The following SLC11A2 variants were observed in gnomAD, a reference collection of about 807,000 sequenced individuals.
The protein encoded by SLC11A2 is solute carrier family 11 member 2.
A neutral mutation model predicts 68.0 loss-of-function variants in SLC11A2; 38 were observed. The ratio of observed to expected loss-of-function variants is 0.56; its 90% CI spans 0.43 to 0.73. The LOEUF is 0.73. Ranked by LOEUF, SLC11A2 falls within the 30% of genes least tolerant of loss-of-function variation. The pLI, the probability that SLC11A2 is intolerant of heterozygous loss-of-function variation, is 0.00. For missense variants in SLC11A2, 517 were observed against 690.5 expected (o/e 0.75, Z 2.82); for synonymous variants, 242 against 250.6 (o/e 0.97, Z 0.32).
At chr12:50,969,712 A>C in the SLC11A2 span, among the ~76,000 whole-genome samples, 3 of 151,510 alleles carry the variant, frequency 2.0e-5, no homozygotes, top group African/African-American at 7.3e-5. Flanking sequence ...CAAAAAAAAA[A>C]AAACAAAAAC....
chr12:50,962,569 C>T, the SLC11A2 span, among the ~76,000 whole-genome samples: 28 of 151,244 alleles, frequency 1.9e-4, no homozygotes, highest in Non-Finnish European at 2.9e-4. Context: ...GTGTGGCATG[C>T]GCCTGTAGTC....
At chr12:50,965,952 T>A in the SLC11A2 span, among the ~76,000 whole-genome samples, 1 of 152,204 alleles carries the variant, frequency 6.6e-6, no homozygotes, top group African/African-American at 2.4e-5. Context: ...TTTATTGTGG[T>A]GATTCAAGTT....
chr12:50,982,453 G>A (rs1346538717), downstream of SLC11A2, among the ~76,000 whole-genome samples: 3 of 151,938 alleles, frequency 2.0e-5, no homozygotes, highest in African/African-American at 7.3e-5. Context: ...ATGAAACTCC[G>A]TCTCTACTAA....
chr12:51,020,481 C>T (rs1028296772), intron 1 of SLC11A2, among the ~76,000 whole-genome samples: 8 of 152,046 alleles, frequency 5.3e-5, no homozygotes, highest in African/African-American at 1.7e-4. Context: ...AACTCTAATC[C>T]CCTCTACTCA....
chr12:50,977,980 A>G (rs1259412756), downstream of SLC11A2, among the ~76,000 whole-genome samples: 1 of 152,232 alleles, frequency 6.6e-6, no homozygotes, highest in Non-Finnish European at 1.5e-5. Flanking sequence ...CGATCATTAA[A>G]AAGTCAGGAA....
At position 51,009,126 on chromosome 12, in the gene SLC11A2, C is replaced by T. The variant is rs1474473717; in HGVS notation, c.35-502G>A. The T allele has an allele frequency of 6.6e-6, 10 of 1,515,212 alleles. No homozygotes were observed. The African/African-American group carries it at 6.9e-5, about 10-fold the overall frequency. The allele number at this position is 1,515,212 out of a possible 1,614,324, so 93.9% of individuals were successfully genotyped here. On this transcript the variant is annotated intron_variant, in intron 2 of 15. Transcript: ENST00000262052. ...ATTTGGTAGGACTTACTCAAATAAT[C>T]GACCGTGGACATTATACCTCCATCA...
chr12:50,992,353 T>A lies in SLC11A2; in HGVS notation c.1198-14A>T, dbSNP rs532930281. Reference sequence around the variant, plus strand: ...GTTCAGGAATCCCTGGAAGAAAACATAGGAGCAGATGACTGTCTGCAACAG... The same window carrying A: ...GTTCAGGAATCCCTGGAAGAAAACAAAGGAGCAGATGACTGTCTGCAACAG... On this transcript the variant is annotated splice_polypyrimidine_tract_variant and intron_variant, in intron 12 of 15. Transcript: ENST00000262052. 1 of 1,613,188 alleles carries A rather than the reference T, an allele frequency of 6.2e-7. No individual in the cohort carries two copies. The highest frequency in any genetic ancestry group is 1.3e-5 in the African/African-American group (1 of 74,894).
downstream of SLC11A2, among the ~76,000 whole-genome samples, chr12:50,984,076 C>A (rs2630364): frequency 0.74 from 112,289 of 151,400 alleles, 42,010 homozygotes; most frequent in East Asian, 0.87. Context: ...TGGCAGTGAG[C>A]CGAGATCATA....
intron 1 of SLC11A2, chr12:51,025,771 C>T (rs955432338): frequency 2.0e-6 from 2 of 985,786 alleles, no homozygotes; most frequent in African/African-American, 1.7e-5. Context: ...ACCAATCTAC[C>T]CACAATTACT....
At position 51,010,896 on chromosome 12, in the gene SLC11A2, CCT is replaced by C. The variant is rs536644623; in HGVS notation, c.-38-132_-38-131del. 5.7e-5 allele frequency: 27 copies of C among 474,818 alleles called. No homozygotes were observed. In the South Asian group the frequency reaches 1.2e-3, roughly 22 times the overall value. 29.4% of individuals were successfully genotyped at this position (474,818 alleles called of 1,614,324 possible). A position where few individuals can be genotyped will look rare whatever the true frequency, so the allele number is the denominator to read the frequency against. ...GTAATTTTTCTACTGAATTAGGTAA[CCT>C]TGAAAATAATTACAGTTTTCAGAAT... On this transcript the variant is annotated intron_variant, in intron 1 of 15. Coordinates refer to ENST00000262052, the MANE Select transcript of SLC11A2 (RefSeq NM_000617.3).
the SLC11A2 span, among the ~76,000 whole-genome samples, chr12:50,964,763 C>T: frequency 6.6e-6 from 1 of 152,214 alleles, no homozygotes; most frequent in Non-Finnish European, 1.5e-5. Context: ...GCAGCAAAAC[C>T]ACATCTGGAT....
chr12:51,025,939 C>G, intron 1 of SLC11A2: 3 of 999,550 alleles, frequency 3.0e-6, no homozygotes, highest in Non-Finnish European at 3.6e-6. Flanking sequence ...GCCCTGTGCC[C>G]GTCGGCCTCT....
At chr12:50,953,827 C>T in the SLC11A2 span, 7 of 520,180 alleles carry the variant, frequency 1.3e-5, no homozygotes, top group Admixed American at 6.8e-5. Context: ...TGAAAAAATT[C>T]GGTAGTGAAA....
At chr12:50,993,149 T>A in intron 11 of SLC11A2, 1 of 529,492 alleles carries the variant, frequency 1.9e-6, no homozygotes, top group Non-Finnish European at 3.4e-6. Context: ...CTCTGCCTAG[T>A]CCTTTCTCTT....
chr12:50,983,530 A>G (rs1430626671), downstream of SLC11A2, among the ~76,000 whole-genome samples: 1 of 152,204 alleles, frequency 6.6e-6, no homozygotes, highest in Non-Finnish European at 1.5e-5. Context: ...ATGTGAATAA[A>G]TGCTACATTT....
downstream of SLC11A2, among the ~76,000 whole-genome samples, chr12:50,976,145 G>A (rs887572267): frequency 3.2e-4 from 49 of 152,314 alleles, no homozygotes; most frequent in African/African-American, 1.1e-3. Flanking sequence ...CATTTTATGA[G>A]GCCAACATCA....
At chr12:51,027,926 G>T (rs932656108), upstream of SLC11A2, among the ~76,000 whole-genome samples, 1 of 150,824 alleles carries the variant, frequency 6.6e-6, no homozygotes, top group Non-Finnish European at 1.5e-5. Flanking sequence ...GTGGGGGGGG[G>T]GGGCTTGGCT....
chr12:51,026,041 G>A, intron 1 of SLC11A2: 1 of 1,093,054 alleles, frequency 9.1e-7, no homozygotes, highest in Non-Finnish European at 1.1e-6. Context: ...CCTAGGCCGC[G>A]GCGGGGAAGG....
the SLC11A2 span, among the ~76,000 whole-genome samples, chr12:50,958,714 G>A: frequency 6.6e-6 from 1 of 151,818 alleles, no homozygotes; most frequent in Non-Finnish European, 1.5e-5. Context: ...TAATGGGAAA[G>A]AATAGAGAAC....
Sources: gnomAD v4.1 joint callset for allele counts (sites outside exome capture counted in the v4.1 genomes callset) on GRCh38, gnomAD v4.1.1 for gene constraint, MANE v1.5 for transcripts, NCBI Gene and HGNC (gene_info 2026-07-23, HGNC 2026-07-21) for gene names.